Variants in RTL9 observed in about 807,000 individuals in gnomAD.
The protein encoded by RTL9 is retrotransposon Gag-like protein 9.
In RTL9, 19 loss-of-function variants were observed where a neutral mutation model predicts 44.7. That is an observed-to-expected ratio of 0.42 (90% confidence interval 0.30 to 0.62). RTL9 has a LOEUF of 0.62. RTL9 is among the 20% of genes least tolerant of loss of function. The pLI is 0.16. For synonymous variants in RTL9, 407 were observed against 398.9 expected, an observed-to-expected ratio of 1.02 and a Z score of -0.24; for missense variants, 1,105 against 1,080.6, an observed-to-expected ratio of 1.02 and a Z score of -0.32.
chrX:110,453,984 A>G (rs1569435157), exon 1 of RTL9: 1 of 1,211,849 alleles, frequency 8.3e-7, no homozygotes, highest in Non-Finnish European at 1.1e-6. Context: ...CACATCGCAC[A>G]TGACTGCCAC....
At chrX:110,436,152 A>G (rs2068837160) in intron 1 of RTL9, among the ~76,000 whole-genome samples, 1 of 112,479 alleles carries the variant, frequency 8.9e-6, no homozygotes, top group Admixed American at 9.4e-5. Flanking sequence ...TAGATAAGTG[A>G]AACTACTCAG....
intron 1 of RTL9, among the ~76,000 whole-genome samples, chrX:110,374,803 G>A (rs1465743957): frequency 9.0e-6 from 1 of 110,604 alleles, no homozygotes; most frequent in Non-Finnish European, 1.9e-5. Flanking sequence ...TGAGCTTGGG[G>A]TGGATATGTG....
At chrX:110,402,569 G>A (rs1344426422) in intron 1 of RTL9, among the ~76,000 whole-genome samples, 1 of 112,423 alleles carries the variant, frequency 8.9e-6, no homozygotes, top group Non-Finnish European at 1.9e-5. Flanking sequence ...TTTGCCTAGG[G>A]GCGAGCCCTG....
At chrX:110,420,799 T>C (rs978091174) in intron 1 of RTL9, among the ~76,000 whole-genome samples, 1 of 111,583 alleles carries the variant, frequency 9.0e-6, no homozygotes, top group African/African-American at 3.3e-5. Context: ...TCATACTGAA[T>C]GGCTTTATTT....
chrX:110,369,426 C>T (rs756916621), intron 1 of RTL9, among the ~76,000 whole-genome samples: 4 of 112,015 alleles, frequency 3.6e-5, no homozygotes, highest in African/African-American at 9.7e-5. Flanking sequence ...TAGGTGTACA[C>T]GATACAAAGT....
intron 1 of RTL9, among the ~76,000 whole-genome samples, chrX:110,359,122 A>G (rs1243785432): frequency 7.2e-5 from 8 of 111,274 alleles, no homozygotes; most frequent in Admixed American, 1.9e-4. Context: ...GTTCAAGGTC[A>G]CATAGCTGGT....
chrX:110,424,751 G>A (rs1350482716), intron 1 of RTL9, among the ~76,000 whole-genome samples: 4 of 111,849 alleles, frequency 3.6e-5, no homozygotes, highest in Non-Finnish European at 7.5e-5. Flanking sequence ...TAAAATGTTT[G>A]AAAGAGGCAG....
chrX:110,369,211 G>C lies in RTL9; in HGVS notation c.-168+10295G>C, dbSNP rs142908091. On this transcript the variant is annotated intron_variant, in intron 1 of 2. Transcript: ENST00000520821. The stretch of plus-strand genomic sequence containing the variant: ...ACCGGGTGTGGTGGCACGCTCCTGT[G>C]GTCCCAGCTACTCGGTAGGCTGAGA... Among the ~76,000 whole-genome samples the C allele has an allele frequency of 9.7e-3, 1,076 of 110,681 alleles. 10 individuals carry two copies. The highest frequency in any genetic ancestry group is 0.015 in the Non-Finnish European group (780 of 52,854).
chrX:110,455,228 C>T, exon 2 of RTL9: 3 of 1,210,572 alleles, frequency 2.5e-6, no homozygotes, highest in Non-Finnish European at 3.4e-6. Context: ...AACGCTGTTA[C>T]TACCTGAAAG....
upstream of RTL9, among the ~76,000 whole-genome samples, chrX:110,414,871 C>T (rs1323775612): frequency 8.9e-6 from 1 of 112,384 alleles, no homozygotes; most frequent in Non-Finnish European, 1.9e-5. Flanking sequence ...TCCTTTCTCA[C>T]TGCATCCACT....
At chrX:110,416,585 G>C (rs1025717993), upstream of RTL9, among the ~76,000 whole-genome samples, 2 of 111,673 alleles carry the variant, frequency 1.8e-5, no homozygotes, top group African/African-American at 6.5e-5. Context: ...CCTTGACTCT[G>C]TGCTGGTTAG....
In RTL9 at chrX:110,360,981, C is replaced by A. The variant is rs780892214; in HGVS notation, c.-168+2065C>A. ...GCTCCGATCTTCGTGGCTTAATATA[C>A]TATCTATTTGCTGATGAGTCACAAA... On this transcript the variant is annotated intron_variant, in intron 1 of 2. Transcript: ENST00000520821. 2.7e-5 allele frequency among the ~76,000 whole-genome samples: 3 copies of A among 111,481 alleles called. No individual in the cohort carries two copies. In the South Asian group the frequency reaches 1.2e-3, roughly 43 times the overall value.
chrX:110,437,919 A>T (rs936767100), intron 1 of RTL9, among the ~76,000 whole-genome samples: 3 of 111,664 alleles, frequency 2.7e-5, no homozygotes, highest in African/African-American at 9.8e-5. Context: ...GAGTTCCCCT[A>T]TCTCTTATCC....
chrX:110,367,401 A>G (rs1388698479), intron 1 of RTL9, among the ~76,000 whole-genome samples: 1 of 111,537 alleles, frequency 9.0e-6, no homozygotes, highest in Non-Finnish European at 1.9e-5. Flanking sequence ...CAAGGTCAAC[A>G]ATATCTCCTC....
chrX:110,397,017 C>T (rs1431663500), intron 1 of RTL9, among the ~76,000 whole-genome samples: 3 of 111,877 alleles, frequency 2.7e-5, no homozygotes, highest in Non-Finnish European at 5.6e-5. Flanking sequence ...ACTCCGGAGC[C>T]CACATTTCTC....
At position 110,379,664 on chromosome X, in the gene RTL9, A is replaced by G. The variant is rs1018378578; in HGVS notation, c.-168+20748A>G. ...TACCCTCTTTCACACACACATGCAC[A>G]TGCACATGTAAACATACTCCTGAAG... On this transcript the variant is annotated intron_variant, in intron 1 of 2. Transcript: ENST00000520821. Among the ~76,000 whole-genome samples the G allele has an allele frequency of 6.6e-4, 74 of 112,397 alleles. 2 individuals carry two copies. Among genetic ancestry groups the G allele is most frequent in the Non-Finnish European group, 1.7e-4 (9 of 53,275 alleles).
chrX:110,398,145 C>T (rs2068540860), intron 1 of RTL9, among the ~76,000 whole-genome samples: 1 of 112,100 alleles, frequency 8.9e-6, no homozygotes, highest in Admixed American at 9.4e-5. Context: ...CATTGGCTCC[C>T]AGGACTGTGT....
chrX:110,366,506 T>C (rs2068298092), intron 1 of RTL9, among the ~76,000 whole-genome samples: 1 of 111,849 alleles, frequency 8.9e-6, no homozygotes, highest in African/African-American at 3.3e-5. Flanking sequence ...ATGGACACTT[T>C]TCAGCCCTTA....
At chrX:110,382,389 C>G (rs1409489149) in intron 1 of RTL9, among the ~76,000 whole-genome samples, 1 of 110,767 alleles carries the variant, frequency 9.0e-6, no homozygotes, top group Non-Finnish European at 1.9e-5. Flanking sequence ...CAGCCAGGAT[C>G]TGGGAGACAT....
Sources: allele counts gnomAD v4.1 joint callset (sites outside exome capture counted in the v4.1 genomes callset), GRCh38; gene constraint gnomAD v4.1.1; transcripts MANE v1.5; gene names NCBI Gene and HGNC (gene_info 2026-07-23, HGNC 2026-07-21).